SMARCA5: variants seen among roughly 807,000 people sequenced by gnomAD.
SMARCA5 encodes the protein SNF2 related chromatin remodeling ATPase 5.
A neutral mutation model predicts 140.4 loss-of-function variants in SMARCA5; 18 were observed. That is an observed-to-expected ratio of 0.13 (90% CI 0.09 to 0.19). The LOEUF is 0.19. SMARCA5 is among the 10% of genes least tolerant of loss of function. SMARCA5 has a pLI of 1.00. For missense variants in SMARCA5, 606 were observed against 1,276.8 expected, an observed-to-expected ratio of 0.47 and a Z score of 8.01; for synonymous variants, 449 against 419.6, an observed-to-expected ratio of 1.07 and a Z score of -0.86.
chr4:143,529,773 G>T (rs1737146824), intron 8 of SMARCA5, among the ~76,000 whole-genome samples: 1 of 152,024 alleles, frequency 6.6e-6, no homozygotes. Context: ...AGATTGTTTT[G>T]AAAGAATAGA....
chr4:143,532,885 A>T (rs781112269), intron 9 of SMARCA5, among the ~76,000 whole-genome samples: 2 of 152,158 alleles, frequency 1.3e-5, no homozygotes, highest in Non-Finnish European at 2.9e-5. Flanking sequence ...CGGTGGGGCT[A>T]AAGGTCTTCA....
At chr4:143,549,877 T>TA in intron 22 of SMARCA5, 120 bp from the exon 23 acceptor site, 3 of 548,580 alleles carry the variant, frequency 5.5e-6, no homozygotes, top group Non-Finnish European at 9.9e-6. Context: ...GTTTTTTTTT[T>TA]AAATCAGGGG....
intron 13 of SMARCA5, among the ~76,000 whole-genome samples, chr4:143,539,208 ATTCT>A (rs537768761): frequency 2.2e-3 from 341 of 152,210 alleles, no homozygotes; most frequent in African/African-American, 6.8e-3. Flanking sequence ...TTCCCAGGAA[ATTCT>A]TTATGGGTCA....
chr4:143,517,277 T>G (rs1012350182), intron 1 of SMARCA5, 78 bp from the exon 2 acceptor site: 10 of 966,262 alleles, frequency 1.0e-5, no homozygotes, highest in Non-Finnish European at 1.4e-5. Flanking sequence ...TAAGATGTGT[T>G]TTGGTCAGAA....
rs982915408 is a variant in SMARCA5 at position 143,525,646 on chromosome 4, A to G, written c.621+95A>G. ...TCTTACAGTCTACAACTGTTAGCAAATGGATCCTCTCAGAAACTAGTATAA... is the reference window on the plus strand; with the variant it reads ...TCTTACAGTCTACAACTGTTAGCAAGTGGATCCTCTCAGAAACTAGTATAA... On this transcript the variant is annotated intron_variant, in intron 5 of 23. Coordinates refer to ENST00000283131, the MANE Select transcript of SMARCA5 (RefSeq NM_003601.4). 1.3e-4 allele frequency: 110 copies of G among 815,960 alleles called. 1 individual carries two copies. The African/African-American group carries it at 1.5e-3, about 11-fold the overall frequency. The allele number at this position is 815,960 out of a possible 1,614,324, so 50.5% of individuals were successfully genotyped here.
At chr4:143,551,719 T>G (rs1389302457) in intron 23 of SMARCA5, among the ~76,000 whole-genome samples, 2 of 152,034 alleles carry the variant, frequency 1.3e-5, no homozygotes, top group Non-Finnish European at 2.9e-5. Context: ...TGTATGGACT[T>G]TACGGACTTA....
chr4:143,514,055 C>A lies in SMARCA5; in HGVS notation c.131C>A (p.Ala44Glu), dbSNP rs1462902570. 6.4e-7 allele frequency: 1 copy of A among 1,559,754 alleles called. No individual in the cohort carries two copies. Among genetic ancestry groups the A allele is most frequent in the Non-Finnish European group, 8.6e-7 (1 of 1,161,460 alleles). The change falls in exon 1 of 24, where the codon GCG becomes GAG. Residue 44 changes from alanine (A) to glutamate (E), a missense_variant. Coordinates refer to ENST00000283131, the MANE Select transcript of SMARCA5 (RefSeq NM_003601.4). ...KGGPEGVAAQ[A>E]VASAASAGPA... is the part of the protein sequence containing the mutation. ...GGCCCCGAAGGCGTCGCGGCGCAGG[C>A]GGTTGCGTCTGCGGCCAGCGCTGGT...
rs1375945961 is a variant in SMARCA5, at chr4:143,543,517, G to A, written c.1912G>A (p.Val638Met). 2 of 1,612,694 alleles carry A rather than the reference G, an allele frequency of 1.2e-6. No individual in the cohort carries two copies. Among genetic ancestry groups the A allele is most frequent in the South Asian group, 1.1e-5 (1 of 90,936 alleles). Reference protein sequence around the residue: ...DSIVIQQGRLVDQNLNKIGKD... With the variant: ...DSIVIQQGRLMDQNLNKIGKD... The stretch of plus-strand genomic sequence containing the variant: ...ACACAATCTTTTTTCAGGGAGGCTT[G>A]TGGATCAGAATCTGAACAAAATTGG... The change falls in exon 15 of 24, where the codon GTG (valine) becomes ATG (methionine). Residue 638 changes from valine (V) to methionine (M), a missense_variant. By Grantham distance (21) the Val-to-Met change is conservative. Transcript: ENST00000283131.
At chr4:143,517,949 G>T (rs1301477679) in intron 2 of SMARCA5, among the ~76,000 whole-genome samples, 1 of 152,066 alleles carries the variant, frequency 6.6e-6, no homozygotes, top group Non-Finnish European at 1.5e-5. Context: ...TAAGCCAAAT[G>T]GAAGTATTAT....
intron 10 of SMARCA5, 104 bp from the exon 11 acceptor site, chr4:143,536,348 C>T (rs549411173): frequency 2.7e-6 from 2 of 737,724 alleles, no homozygotes; most frequent in Admixed American, 4.5e-5. Flanking sequence ...TAGTTTCTTA[C>T]AGATATTTGG....
chr4:143,532,229 A>C (rs926807003), intron 9 of SMARCA5, among the ~76,000 whole-genome samples: 3 of 152,210 alleles, frequency 2.0e-5, no homozygotes, highest in African/African-American at 7.2e-5. Flanking sequence ...TTCAGATGGC[A>C]TTCATGCATC....
chr4:143,547,395 G>A lies in SMARCA5; in HGVS notation c.2664G>A (p.Trp888Ter). ...EEVIEYSAVF[W>*]ERCNELQDIE... ...GTCCAACTTTTACAGCTGTGTTTTG[G>A]GAAAGGTGCAACGAGCTCCAGGACA... is the stretch of plus-strand genomic sequence containing the variant. The change falls in exon 21 of 24, where the codon TGG (tryptophan) becomes TGA (stop). Residue 888 changes from tryptophan to a stop codon, truncating the protein, a stop_gained. Coordinates refer to ENST00000283131, the MANE Select transcript of SMARCA5 (RefSeq NM_003601.4). LOFTEE classifies it high-confidence loss of function. 6.3e-7 allele frequency: 1 copy of A among 1,580,198 alleles called. No homozygotes were observed. The highest frequency in any genetic ancestry group is 8.7e-7 in the Non-Finnish European group (1 of 1,152,864).
At chr4:143,540,298 A>T in intron 13 of SMARCA5, 65 bp from the exon 14 acceptor site, 2 of 1,298,328 alleles carry the variant, frequency 1.5e-6, no homozygotes, top group Non-Finnish European at 2.1e-6. Flanking sequence ...TTCTCAGTGT[A>T]CCCATTTCAG....
At chr4:143,533,614 T>C (rs1381158394) in intron 9 of SMARCA5, among the ~76,000 whole-genome samples, 1 of 151,138 alleles carries the variant, frequency 6.6e-6, no homozygotes, top group Non-Finnish European at 1.5e-5. Context: ...TTCACACCAT[T>C]CTCCTGTCTC....
intron 22 of SMARCA5, 23 bp downstream of exon 22, chr4:143,548,163 T>A: frequency 6.9e-7 from 1 of 1,439,118 alleles, no homozygotes; most frequent in South Asian, 1.2e-5. Flanking sequence ...GGCTTTTTTG[T>A]GTAATGTAGC....
rs779316218 is a variant in SMARCA5, at chr4:143,547,913, ATC to A, written c.2773-13_2773-12del. 1 of 1,433,074 alleles carries A rather than the reference ATC, an allele frequency of 7.0e-7. No individual in the cohort carries two copies. Among genetic ancestry groups the A allele is most frequent in the South Asian group, 1.3e-5 (1 of 76,554 alleles). 88.8% of individuals were successfully genotyped at this position (1,433,074 alleles called of 1,614,324 possible). A position where few individuals can be genotyped will look rare whatever the true frequency, so the allele number is the denominator to read the frequency against. On this transcript the variant is annotated splice_polypyrimidine_tract_variant and intron_variant, in intron 21 of 23. Coordinates refer to ENST00000283131, the MANE Select transcript of SMARCA5 (RefSeq NM_003601.4). ...GGATTTGTATTTTATATAATATAAA[ATC>A]TGACTTTCATAGATTGGACGGTACA...
At chr4:143,536,358 G>C in intron 10 of SMARCA5, 94 bp from the exon 11 acceptor site, 1 of 783,954 alleles carries the variant, frequency 1.3e-6, no homozygotes, top group South Asian at 1.6e-5. Context: ...CAGATATTTG[G>C]GGGTTCATGT....
At position 143,551,480 on chromosome 4, in the gene SMARCA5, G is replaced by C. The variant is rs564936477; in HGVS notation, c.3093+1376G>C. ...GTATTATTCAAGAAATCTTTGCCCAGTCCAGTGTTCTGGAGAGTTTTCCCA... is the reference window on the plus strand; with the variant it reads ...GTATTATTCAAGAAATCTTTGCCCACTCCAGTGTTCTGGAGAGTTTTCCCA... On this transcript the variant is annotated intron_variant, in intron 23 of 23. Transcript: ENST00000283131. Among the ~76,000 whole-genome samples, 186 of 152,168 alleles carry C rather than the reference G, an allele frequency of 1.2e-3. 1 individual carries two copies. The highest frequency in any genetic ancestry group is 2.2e-3 in the Admixed American group (33 of 15,276).
chr4:143,547,591 G>A, intron 21 of SMARCA5, 88 bp downstream of exon 21: 3 of 750,450 alleles, frequency 4.0e-6, no homozygotes, highest in South Asian at 1.7e-5. Context: ...AGGAAAAGAA[G>A]TAAGGGTTTA....
Sources: allele counts gnomAD v4.1 joint callset (sites outside exome capture counted in the v4.1 genomes callset), GRCh38; gene constraint gnomAD v4.1.1; transcripts MANE v1.5; gene names NCBI Gene and HGNC (gene_info 2026-07-23, HGNC 2026-07-21).